Variants in CTNNA3 observed in about 807,000 individuals in gnomAD.
The protein encoded by CTNNA3 is catenin alpha 3, also known as catenin alpha-3.
Under a neutral mutation model 95.7 loss-of-function variants are expected in CTNNA3, and 76 were observed. That is an observed-to-expected ratio of 0.79 (90% confidence interval 0.66 to 0.96). CTNNA3 has a LOEUF of 0.96. Among genes scored for constraint, CTNNA3 ranks in the 40% least tolerant of loss-of-function variants. CTNNA3 has a pLI of 0.00. For synonymous variants in CTNNA3, 431 were observed against 374.4 expected, an observed-to-expected ratio of 1.15 and a Z score of -1.74; for missense variants, 1,191 against 1,089.8, an observed-to-expected ratio of 1.09 and a Z score of -1.31.
intron 9 of CTNNA3, among the ~76,000 whole-genome samples, chr10:66,673,467 TAAAAGTAATGACCACAAATA>T (rs1157696211): frequency 1.3e-5 from 2 of 152,088 alleles, no homozygotes; most frequent in Non-Finnish European, 2.9e-5. Context: ...TACAACATTG[TAAAAGTAATGACCACAAATA>T]AAATAACACT....
intron 5 of CTNNA3, among the ~76,000 whole-genome samples, chr10:67,306,433 G>A (rs1040419414): frequency 7.2e-5 from 11 of 152,152 alleles, no homozygotes; most frequent in African/African-American, 2.7e-4. Flanking sequence ...TTGAAGAAGA[G>A]CTCTTTATTA....
chr10:67,431,768 A>G (rs1193866846), intron 5 of CTNNA3, among the ~76,000 whole-genome samples: 1 of 152,134 alleles, frequency 6.6e-6, no homozygotes, highest in East Asian at 1.9e-4. Context: ...GAATATAAAT[A>G]AGATTGAAAA....
At chr10:66,654,109 A>T (rs1320381846) in intron 9 of CTNNA3, among the ~76,000 whole-genome samples, 1 of 152,126 alleles carries the variant, frequency 6.6e-6, no homozygotes, top group Admixed American at 6.5e-5. Context: ...GACAAATGGG[A>T]TTACATTATG....
At chr10:66,267,514 T>C in intron 13 of CTNNA3, among the ~76,000 whole-genome samples, 1 of 152,192 alleles carries the variant, frequency 6.6e-6, no homozygotes, top group Admixed American at 6.5e-5. Flanking sequence ...TCCTGTCATT[T>C]GCTTATGTAC....
intron 9 of CTNNA3, among the ~76,000 whole-genome samples, chr10:66,746,468 T>C (rs1179498052): frequency 6.6e-6 from 1 of 152,210 alleles, no homozygotes; most frequent in African/African-American, 2.4e-5. Context: ...TAGTCTGGCA[T>C]GCAAAAGCAT....
chr10:66,551,234 T>C lies in CTNNA3; in HGVS notation c.1375-30461A>G, dbSNP rs901388948. On this transcript the variant is annotated intron_variant, in intron 10 of 17. Coordinates refer to ENST00000433211, the MANE Select transcript of CTNNA3 (RefSeq NM_013266.4). ...CTTCCTGAATGATATTTTTAGTGGATATAAAATTACGGCTTGACAGTTCTA... is the reference window on the plus strand; with the variant it reads ...CTTCCTGAATGATATTTTTAGTGGACATAAAATTACGGCTTGACAGTTCTA... Among the ~76,000 whole-genome samples the C allele has an allele frequency of 6.6e-5, 10 of 152,282 alleles. No individual in the cohort carries two copies. In the East Asian group the frequency reaches 7.7e-4, roughly 12 times the overall value.
At chr10:66,999,932 G>A (rs1461936078) in intron 7 of CTNNA3, among the ~76,000 whole-genome samples, 1 of 152,158 alleles carries the variant, frequency 6.6e-6, no homozygotes, top group African/African-American at 2.4e-5. Flanking sequence ...GTTGGCTTTA[G>A]ATCAGTGACT....
chr10:67,233,170 A>C (rs373497036), intron 5 of CTNNA3, among the ~76,000 whole-genome samples: 1 of 152,234 alleles, frequency 6.6e-6, no homozygotes, highest in Non-Finnish European at 1.5e-5. Flanking sequence ...CCTAATAGAC[A>C]TCTACAGAAC....
At position 66,101,716 on chromosome 10, in the gene CTNNA3, A is replaced by G. The variant is rs374899874; in HGVS notation, c.1977+1441T>C. ...TCACATATGTCAAAGTAGATAAACA[A>G]ACAAAATATTTTACATAATATGTTG... On this transcript the variant is annotated intron_variant, in intron 14 of 17. Coordinates refer to ENST00000433211, the MANE Select transcript of CTNNA3 (RefSeq NM_013266.4). Among the ~76,000 whole-genome samples, 20 of 152,312 alleles carry G rather than the reference A, an allele frequency of 1.3e-4. No individual in the cohort carries two copies. In the South Asian group the frequency reaches 3.9e-3, roughly 30 times the overall value.
In CTNNA3 at chr10:67,499,256, A is replaced by G. The variant is rs185457297; in HGVS notation, c.579+22586T>C. ...ACGTTTATTGATTTGCATATGTTGA[A>G]CCAGCCTTGCATCCCAGGTATGAAG... is the stretch of plus-strand genomic sequence containing the variant. On this transcript the variant is annotated intron_variant, in intron 5 of 17. Coordinates refer to ENST00000433211, the MANE Select transcript of CTNNA3 (RefSeq NM_013266.4). 1.1e-3 allele frequency among the ~76,000 whole-genome samples: 162 copies of G among 152,250 alleles called. 1 individual carries two copies. Among genetic ancestry groups the G allele is most frequent in the Non-Finnish European group, 1.1e-3 (75 of 68,026 alleles).
At chr10:66,210,994 T>A (rs2088118156) in intron 13 of CTNNA3, among the ~76,000 whole-genome samples, 1 of 152,176 alleles carries the variant, frequency 6.6e-6, no homozygotes, top group African/African-American at 2.4e-5. Context: ...TCTGGGGGCA[T>A]CTATAGGACT....
intron 7 of CTNNA3, among the ~76,000 whole-genome samples, chr10:66,822,248 T>A (rs1166729946): frequency 6.6e-6 from 1 of 151,904 alleles, no homozygotes; most frequent in African/African-American, 2.4e-5. Flanking sequence ...ATGACAAATA[T>A]TTAATATATA....
chr10:67,489,801 T>C (rs1848583195), intron 5 of CTNNA3, among the ~76,000 whole-genome samples: 1 of 149,212 alleles, frequency 6.7e-6, no homozygotes, highest in African/African-American at 2.5e-5. Flanking sequence ...TATATATATA[T>C]ATATACACAC....
At chr10:66,858,017 T>C (rs1338570864) in intron 7 of CTNNA3, among the ~76,000 whole-genome samples, 1 of 152,128 alleles carries the variant, frequency 6.6e-6, no homozygotes, top group Non-Finnish European at 1.5e-5. Context: ...CTTTTACCCA[T>C]TCAGTATGAC....
chr10:66,207,899 T>C (rs2087865908), intron 13 of CTNNA3, among the ~76,000 whole-genome samples: 1 of 151,948 alleles, frequency 6.6e-6, no homozygotes, highest in South Asian at 2.1e-4. Context: ...ATAAAAAAAA[T>C]ATTGTGCTGT....
intron 7 of CTNNA3, among the ~76,000 whole-genome samples, chr10:67,161,356 TC>T (rs1302979357): frequency 6.6e-6 from 1 of 151,698 alleles, no homozygotes; most frequent in Non-Finnish European, 1.5e-5. Context: ...TACGTGTTTC[TC>T]AATATACATA....
chr10:66,150,517 T>C (rs1229133876), intron 13 of CTNNA3, among the ~76,000 whole-genome samples: 3 of 151,934 alleles, frequency 2.0e-5, no homozygotes, highest in African/African-American at 4.8e-5. Flanking sequence ...TTTATAGATA[T>C]ATAATAGTCA....
At chr10:66,203,838 T>C (rs1044995889) in intron 13 of CTNNA3, among the ~76,000 whole-genome samples, 3 of 152,146 alleles carry the variant, frequency 2.0e-5, no homozygotes, top group African/African-American at 7.2e-5. Flanking sequence ...AACTCTATCT[T>C]CTCTGTAGAG....
chr10:67,012,537 CA>C (rs1376739386), intron 7 of CTNNA3, among the ~76,000 whole-genome samples: 6 of 152,092 alleles, frequency 3.9e-5, no homozygotes, highest in Non-Finnish European at 8.8e-5. Context: ...AGCTTTATTT[CA>C]AAAAGCATCA....
Sources: allele counts gnomAD v4.1 joint callset (sites outside exome capture counted in the v4.1 genomes callset), GRCh38; gene constraint gnomAD v4.1.1; transcripts MANE v1.5; gene names NCBI Gene and HGNC (gene_info 2026-07-23, HGNC 2026-07-21).